Variants in TMEM87B observed in about 807,000 individuals in gnomAD.
TMEM87B encodes the protein transmembrane protein 87B.
A neutral mutation model predicts 80.3 loss-of-function variants in TMEM87B; 83 were observed. That is an observed-to-expected ratio of 1.03 (90% CI 0.87 to 1.24). The LOEUF (loss-of-function observed/expected upper bound fraction) is 1.24. TMEM87B is among the 50% of genes most tolerant of loss of function. TMEM87B has a pLI of 0.00. For missense variants in TMEM87B, 625 were observed against 674.4 expected (o/e 0.93, Z 0.81); for synonymous variants, 219 against 230.5 (o/e 0.95, Z 0.45).
chr2:112,090,777 CTTA>C (rs1218757655), intron 10 of TMEM87B, among the ~76,000 whole-genome samples: 1 of 152,120 alleles, frequency 6.6e-6, no homozygotes, highest in African/African-American at 2.4e-5. Flanking sequence ...GATTAAGAAG[CTTA>C]TTATATCTTA....
intron 2 of TMEM87B, 114 bp downstream of exon 2, chr2:112,060,151 G>A: frequency 8.2e-7 from 1 of 1,221,596 alleles, no homozygotes. Flanking sequence ...TTCAGGACGA[G>A]CCTGGCCAAC....
chr2:112,069,219 A>C (rs1273401576), intron 4 of TMEM87B, among the ~76,000 whole-genome samples: 1 of 151,768 alleles, frequency 6.6e-6, no homozygotes, highest in Non-Finnish European at 1.5e-5. Context: ...AAAAAAAAAA[A>C]AACTCATGTC....
chr2:112,089,504 C>G lies in TMEM87B; in HGVS notation c.939-121C>G, dbSNP rs1433152999. The G allele has an allele frequency of 9.4e-6, 8 of 847,128 alleles. No individual in the cohort carries two copies. The Admixed American group carries it at 1.8e-4, about 19-fold the overall frequency. 52.5% of individuals were successfully genotyped at this position (847,128 alleles called of 1,614,324 possible). On this transcript the variant is annotated intron_variant, in intron 9 of 18. Coordinates refer to ENST00000283206, the MANE Select transcript of TMEM87B (RefSeq NM_032824.3). ...AAACAAAGTACCTCAGAGCCGGGAA[C>G]AGACTGATGTGATTAGATAGTGACT...
At chr2:112,059,859 A>G in intron 1 of TMEM87B, 118 bp from the exon 2 acceptor site, 1 of 1,312,030 alleles carries the variant, frequency 7.6e-7, no homozygotes, top group Non-Finnish European at 1.0e-6. Context: ...ATTTACGTTA[A>G]AAAAATACTC....
At chr2:112,070,512 C>G (rs1458342058) in intron 4 of TMEM87B, among the ~76,000 whole-genome samples, 1 of 152,124 alleles carries the variant, frequency 6.6e-6, no homozygotes, top group African/African-American at 2.4e-5. Flanking sequence ...TCTGGGCTCT[C>G]TATTCTGTTC....
intron 15 of TMEM87B, among the ~76,000 whole-genome samples, chr2:112,102,477 TG>T (rs779879516): frequency 4.5e-4 from 69 of 152,132 alleles, no homozygotes; most frequent in Non-Finnish European, 2.6e-4. Context: ...GCAGATCACC[TG>T]AGGTCAGGAG....
rs1451868569 is a variant in TMEM87B at position 112,091,508 on chromosome 2, A to G, written c.1033-204A>G. The stretch of plus-strand genomic sequence containing the variant: ...TTACATAATACAGTTTTATGTTGCT[A>G]TCATCACATAAATTAGCACTTGTTG... On this transcript the variant is annotated intron_variant, in intron 10 of 18. Transcript: ENST00000283206. Among the ~76,000 whole-genome samples the G allele has an allele frequency of 2.6e-5, 4 of 151,152 alleles. No homozygotes were observed. The South Asian group carries it at 6.2e-4, about 23-fold the overall frequency.
At chr2:112,087,845 A>G (rs1210885599) in intron 9 of TMEM87B, among the ~76,000 whole-genome samples, 1 of 152,068 alleles carries the variant, frequency 6.6e-6, no homozygotes, top group East Asian at 1.9e-4. Flanking sequence ...CAAGGCCACC[A>G]TGACCTCACC....
chr2:112,074,986 AATCAAAT>A, intron 5 of TMEM87B, 24 bp downstream of exon 5: 1 of 1,577,574 alleles, frequency 6.3e-7, no homozygotes, highest in East Asian at 2.3e-5. Flanking sequence ...TTTGTCTTTA[AATCAAAT>A]ATACACAAGT....
chr2:112,090,352 T>G (rs1334931958), intron 10 of TMEM87B, among the ~76,000 whole-genome samples: 1 of 151,664 alleles, frequency 6.6e-6, no homozygotes. Flanking sequence ...TTTTGTGCGG[T>G]TTTTTGTTTG....
chr2:112,109,151 G>A (rs940761932), intron 17 of TMEM87B, among the ~76,000 whole-genome samples: 5 of 152,212 alleles, frequency 3.3e-5, no homozygotes, highest in Non-Finnish European at 5.9e-5. Context: ...TGTGATAACT[G>A]AAATTAATGT....
chr2:112,090,737 G>GT (rs1202204297), intron 10 of TMEM87B, among the ~76,000 whole-genome samples: 1 of 152,072 alleles, frequency 6.6e-6, no homozygotes, highest in Non-Finnish European at 1.5e-5. Flanking sequence ...GGTTGCTTCA[G>GT]TTTTTTGAAT....
intron 4 of TMEM87B, among the ~76,000 whole-genome samples, chr2:112,074,016 C>T (rs1320211765): frequency 6.6e-6 from 1 of 152,170 alleles, no homozygotes; most frequent in Non-Finnish European, 1.5e-5. Context: ...CTCTTGAAGA[C>T]AGCAAACCAA....
chr2:112,077,056 A>AAT, intron 5 of TMEM87B, 136 bp from the exon 6 acceptor site: 2 of 459,416 alleles, frequency 4.4e-6, no homozygotes, highest in Non-Finnish European at 3.9e-6. Context: ...AAAAAAAAAA[A>AAT]GGAAAAAATT....
intron 6 of TMEM87B, among the ~76,000 whole-genome samples, chr2:112,079,708 A>G (rs991115658): frequency 1.3e-4 from 20 of 152,154 alleles, no homozygotes; most frequent in South Asian, 6.2e-4. Context: ...TAATGGCTGT[A>G]CTAATTGACA....
chr2:112,091,465 G>A (rs1326314862), intron 10 of TMEM87B, among the ~76,000 whole-genome samples: 2 of 152,136 alleles, frequency 1.3e-5, no homozygotes, highest in African/African-American at 2.4e-5. Flanking sequence ...TTGGGGACAC[G>A]ATGCTTTTTA....
chr2:112,096,710 AAG>A (rs1438237964), intron 11 of TMEM87B, among the ~76,000 whole-genome samples: 1 of 152,274 alleles, frequency 6.6e-6, no homozygotes, highest in Non-Finnish European at 1.5e-5. Context: ...GTGATCTGTA[AAG>A]AGTGTCTCAC....
intron 2 of TMEM87B, among the ~76,000 whole-genome samples, chr2:112,060,420 T>G (rs1678215355): frequency 6.6e-6 from 1 of 152,224 alleles, no homozygotes; most frequent in South Asian, 2.1e-4. Flanking sequence ...AATACATTCA[T>G]GTAAATGAAT....
intron 7 of TMEM87B, 38 bp from the exon 8 acceptor site, chr2:112,081,297 A>G: frequency 6.4e-7 from 1 of 1,555,756 alleles, no homozygotes; most frequent in Non-Finnish European, 8.7e-7. Flanking sequence ...CAAATGACCA[A>G]AAGGCTTAAC....
Sources: gnomAD v4.1 joint callset for allele counts (sites outside exome capture counted in the v4.1 genomes callset) on GRCh38, gnomAD v4.1.1 for gene constraint, MANE v1.5 for transcripts, NCBI Gene and HGNC (gene_info 2026-07-23, HGNC 2026-07-21) for gene names.